FOXJ3: variants seen among roughly 807,000 people sequenced by gnomAD.
FOXJ3 encodes the protein forkhead box J3.
Under a neutral mutation model 76.1 loss-of-function variants are expected in FOXJ3, and 22 were observed. The observed-to-expected ratio is 0.29, with a 90% CI of 0.21 to 0.41. FOXJ3 has a LOEUF of 0.41. Among genes scored for constraint, FOXJ3 ranks in the 10% least tolerant of loss-of-function variants. FOXJ3 has a pLI of 1.00. For missense variants in FOXJ3, 613 were observed against 762.1 expected (o/e 0.80, Z 2.30); for synonymous variants, 269 against 261.2 (o/e 1.03, Z -0.29).
At chr1:42,224,023 TA>T (rs1318756350) in intron 5 of FOXJ3, among the ~76,000 whole-genome samples, 1 of 152,220 alleles carries the variant, frequency 6.6e-6, no homozygotes, top group Non-Finnish European at 1.5e-5. Flanking sequence ...TAAAATCCTT[TA>T]AAAAGCATTT....
In FOXJ3 at chr1:42,181,870, C is replaced by T. The variant is rs1032726469; in HGVS notation, c.1753+47G>A. ...CATCGTTGTTCCTGGAGTGCTCACA[C>T]ACACACACACACACACACACACACT... On this transcript the variant is annotated intron_variant, in intron 12 of 12. Coordinates refer to ENST00000361346, the MANE Select transcript of FOXJ3 (RefSeq NM_014947.5). 4.4e-6 allele frequency: 5 copies of T among 1,131,854 alleles called. No individual in the cohort carries two copies. In the Admixed American group the frequency reaches 8.3e-5, roughly 19 times the overall value. The allele number at this position is 1,131,854 out of a possible 1,614,324, so 70.1% of individuals were successfully genotyped here. A position where few individuals can be genotyped will look rare whatever the true frequency, so the allele number is the denominator to read the frequency against.
chr1:42,242,056 C>A (rs1056274293), intron 4 of FOXJ3, among the ~76,000 whole-genome samples: 1 of 152,090 alleles, frequency 6.6e-6, no homozygotes, highest in South Asian at 2.1e-4. Flanking sequence ...GCTACATACA[C>A]CCAGAATCAA....
intron 4 of FOXJ3, among the ~76,000 whole-genome samples, chr1:42,237,467 CAT>C (rs1309725004): frequency 7.2e-6 from 1 of 139,352 alleles, no homozygotes; most frequent in African/African-American, 2.7e-5. Flanking sequence ...CATACATATA[CAT>C]ATATATGTAT....
At chr1:42,181,796 A>C (rs1459578325) in intron 12 of FOXJ3, 121 bp downstream of exon 12, 6 of 613,490 alleles carry the variant, frequency 9.8e-6, no homozygotes, top group African/African-American at 1.9e-5. Context: ...TCAATATTAA[A>C]CTCTGGGTAA....
chr1:42,289,071 T>C (rs1341317380), intron 2 of FOXJ3, among the ~76,000 whole-genome samples: 1 of 152,086 alleles, frequency 6.6e-6, no homozygotes, highest in African/African-American at 2.4e-5. Flanking sequence ...TTGACAGATA[T>C]AACCCACATA....
Position 42,311,085 on chromosome 1 carries a change from C to T in FOXJ3, c.9G>A (p.Leu3=), listed in dbSNP as rs746544174. Residue 3 remains leucine, a synonymous_variant, in exon 2 of 13, where the codon TTG becomes TTA. Transcript: ENST00000361346. MG[L]YGQACPSVTS... Reference sequence around the variant, plus strand: ...TTACAGATGGACAAGCCTGTCCATACAAACCCATCTGGCCACAAAGAGAAT... The same window carrying T: ...TTACAGATGGACAAGCCTGTCCATATAAACCCATCTGGCCACAAAGAGAAT... 1 of 1,596,138 alleles carries T rather than the reference C, an allele frequency of 6.3e-7. No individual in the cohort carries two copies. The highest frequency in any genetic ancestry group is 2.2e-5 in the East Asian group (1 of 44,544).
chr1:42,309,453 G>A (rs922136725), intron 2 of FOXJ3, among the ~76,000 whole-genome samples: 1 of 152,102 alleles, frequency 6.6e-6, no homozygotes, highest in Admixed American at 6.6e-5. Context: ...CTTAGGACTG[G>A]CCTGTCTAAA....
intron 12 of FOXJ3, among the ~76,000 whole-genome samples, chr1:42,180,469 C>G (rs532475216): frequency 1.3e-5 from 2 of 152,266 alleles, no homozygotes; most frequent in South Asian, 2.1e-4. Flanking sequence ...ACAGACCCCC[C>G]CCTTCTAAAC....
In FOXJ3 at chr1:42,207,479, G is replaced by T. The variant is rs76168187; in HGVS notation, c.529-1616C>A. Among the ~76,000 whole-genome samples, 630 of 152,210 alleles carry T rather than the reference G, an allele frequency of 4.1e-3. 3 individuals carry two copies. The highest frequency in any genetic ancestry group is 0.014 in the African/African-American group (586 of 41,524). Reference sequence around the variant, plus strand: ...TGATAACTCCTCTCTCTAAGAAACGGTTTTTATTGCTTTATTGAGCCTTCA... The same window carrying T: ...TGATAACTCCTCTCTCTAAGAAACGTTTTTTATTGCTTTATTGAGCCTTCA... On this transcript the variant is annotated intron_variant, in intron 5 of 12. Transcript: ENST00000361346.
chr1:42,216,350 C>T (rs1557644440), intron 5 of FOXJ3, among the ~76,000 whole-genome samples: 5 of 151,754 alleles, frequency 3.3e-5, no homozygotes, highest in Non-Finnish European at 2.9e-5. Flanking sequence ...AACCCCGTCT[C>T]TACTAAAAAT....
chr1:42,197,069 A>G (rs7554478), intron 7 of FOXJ3, among the ~76,000 whole-genome samples: 1 of 152,282 alleles, frequency 6.6e-6, no homozygotes, highest in East Asian at 1.9e-4. Flanking sequence ...ATACTTTCTA[A>G]TCTCTGCATA....
intron 4 of FOXJ3, among the ~76,000 whole-genome samples, chr1:42,237,141 C>T (rs918854791): frequency 1.3e-5 from 2 of 151,644 alleles, no homozygotes; most frequent in African/African-American, 2.4e-5. Context: ...TCTCGGAGGC[C>T]GAGGGGGGTG....
chr1:42,324,786 C>T (rs1655729653), intron 1 of FOXJ3, among the ~76,000 whole-genome samples: 1 of 152,162 alleles, frequency 6.6e-6, no homozygotes, highest in Non-Finnish European at 1.5e-5. Context: ...GTATAGGACA[C>T]TTAACAATGA....
At chr1:42,285,276 C>T (rs1179512626) in intron 2 of FOXJ3, among the ~76,000 whole-genome samples, 1 of 152,042 alleles carries the variant, frequency 6.6e-6, no homozygotes, top group South Asian at 2.1e-4. Flanking sequence ...CCCCCTACCC[C>T]ACCCCTGTAT....
Position 42,191,591 on chromosome 1 carries a change from T to C in FOXJ3, c.1063A>G (p.Ser355Gly), listed in dbSNP as rs767078394. The change falls in exon 9 of 13, where the codon AGT becomes GGT. Residue 355 changes from serine to glycine, a missense_variant. Coordinates refer to ENST00000361346, the MANE Select transcript of FOXJ3 (RefSeq NM_014947.5). ...TTACTGCCTGTGGTGTTGAGGCCAC[T>C]GCCATGACTGTTGGACAGGCTGCTT... ...NQSSLSNSHG[S>G]GLNTTGSNSV... 2.0e-5 allele frequency: 33 copies of C among 1,614,054 alleles called. No individual in the cohort carries two copies. The African/African-American group carries it at 3.9e-4, about 19-fold the overall frequency.
intron 2 of FOXJ3, among the ~76,000 whole-genome samples, chr1:42,300,530 T>G (rs1020288472): frequency 1.3e-5 from 2 of 152,160 alleles, no homozygotes; most frequent in African/African-American, 4.8e-5. Flanking sequence ...AATCCCAGTA[T>G]GTTGAGAGGC....
intron 3 of FOXJ3, among the ~76,000 whole-genome samples, chr1:42,272,703 G>C (rs755633199): frequency 1.3e-5 from 2 of 152,180 alleles, no homozygotes; most frequent in Non-Finnish European, 2.9e-5. Context: ...TCGGCAAGGA[G>C]TATCAGCAGA....
At chr1:42,243,456 A>C (rs1398087669) in intron 4 of FOXJ3, among the ~76,000 whole-genome samples, 1 of 152,228 alleles carries the variant, frequency 6.6e-6, no homozygotes, top group African/African-American at 2.4e-5. Flanking sequence ...TTTCCACTTA[A>C]AAGGTACAGA....
intron 2 of FOXJ3, among the ~76,000 whole-genome samples, chr1:42,281,426 A>G (rs1652704061): frequency 6.6e-6 from 1 of 152,096 alleles, no homozygotes; most frequent in Non-Finnish European, 1.5e-5. Context: ...TAGCTGAAGA[A>G]CTTCAGCTAA....
Sources: gnomAD v4.1 joint callset for allele counts (sites outside exome capture counted in the v4.1 genomes callset) on GRCh38, gnomAD v4.1.1 for gene constraint, MANE v1.5 for transcripts, NCBI Gene and HGNC (gene_info 2026-07-23, HGNC 2026-07-21) for gene names.